The following FOXK1 variants were observed in gnomAD, a reference collection of about 807,000 sequenced individuals.
FOXK1 encodes the protein forkhead box K1.
A neutral mutation model predicts 51.9 loss-of-function variants in FOXK1; 19 were observed. The observed-to-expected ratio is 0.37, with a 90% CI of 0.26 to 0.54. FOXK1 has a LOEUF of 0.54. Among genes scored for constraint, FOXK1 ranks in the 20% least tolerant of loss-of-function variants. The pLI is 0.87. For synonymous variants in FOXK1, 537 were observed against 482.6 expected, an observed-to-expected ratio of 1.11 and a Z score of -1.48; for missense variants, 870 against 1,032.7, an observed-to-expected ratio of 0.84 and a Z score of 2.16.
Position 4,759,365 on chromosome 7 carries a change from G to C in FOXK1, c.1466G>C (p.Ser489Thr), listed in dbSNP as rs1401117725. Residue 489 changes from serine (S) to threonine (T), a missense_variant, in exon 7 of 9, where the codon AGC (serine) becomes ACC (threonine). Around this residue, in one of 3 missense-constraint regions of FOXK1, gnomAD observed 457 missense variants for 510.8 expected, o/e 0.89. Transcript: ENST00000328914. ...ATGGCCGTGCCTCCCCGACCGTCCAGCCTCGTGGCCAAGCCCGTGGCCTAC... is the reference window on the plus strand; with the variant it reads ...ATGGCCGTGCCTCCCCGACCGTCCACCCTCGTGGCCAAGCCCGTGGCCTAC... The part of the protein sequence containing the change: ...VIMAVPPRPS[S>T]LVAKPVAYMP... The C allele has an allele frequency of 6.2e-7, 1 of 1,602,460 alleles. No individual in the cohort carries two copies. The highest frequency in any genetic ancestry group is 1.1e-5 in the South Asian group (1 of 90,874).
intron 1 of FOXK1, among the ~76,000 whole-genome samples, chr7:4,713,296 G>A (rs1159871519): frequency 6.6e-6 from 1 of 152,156 alleles, no homozygotes; most frequent in Non-Finnish European, 1.5e-5. Context: ...GCTAGGCTCT[G>A]GGGTTGGGGC....
intron 1 of FOXK1, among the ~76,000 whole-genome samples, chr7:4,694,476 C>T (rs1380545407): frequency 6.6e-6 from 1 of 152,126 alleles, no homozygotes; most frequent in East Asian, 1.9e-4. Flanking sequence ...AAAAGCTTTG[C>T]TTCTTGTGAT....
rs1261547642 is a variant in FOXK1, at chr7:4,703,387, C to T, written c.560+20519C>T. The stretch of plus-strand genomic sequence containing the variant: ...GCTCTCAGGGGATGGGAGGACAACT[C>T]GCTGAAGTTCGTGGCCCCAAGACAT... On this transcript the variant is annotated intron_variant, in intron 1 of 8. Transcript: ENST00000328914. The surrounding 1 kb of genome is among the most constrained non-coding windows in gnomAD (Gnocchi z 5.6). Among the ~76,000 whole-genome samples, 3 of 152,102 alleles carry T rather than the reference C, an allele frequency of 2.0e-5. No individual in the cohort carries two copies. Among genetic ancestry groups the T allele is most frequent in the Admixed American group, 6.6e-5 (1 of 15,264 alleles).
At position 4,705,983 on chromosome 7, in the gene FOXK1, C is replaced by CATATATAT. The variant is rs1491584360; in HGVS notation, c.560+23115_560+23116insATATATAT. On this transcript the variant is annotated intron_variant, in intron 1 of 8. Coordinates refer to ENST00000328914, the MANE Select transcript of FOXK1 (RefSeq NM_001037165.2). ...ATGTATATATATATACGTATATATACGTATATATACGTATATATACGTATA... is the reference window on the plus strand; with the variant it reads ...ATGTATATATATATACGTATATATACATATATATGTATATATACGTATATATACGTATA... Among the ~76,000 whole-genome samples the CATATATAT allele has an allele frequency of 4.0e-3, 364 of 91,704 alleles. 23 individuals carry two copies. The highest frequency in any genetic ancestry group is 0.024 in the African/African-American group (319 of 13,358). 60.2% of individuals were successfully genotyped at this position (91,704 alleles called of 152,430 possible).
chr7:4,752,801 C>T (rs796098429), intron 2 of FOXK1, among the ~76,000 whole-genome samples: 5 of 152,314 alleles, frequency 3.3e-5, no homozygotes, highest in African/African-American at 1.2e-4. Context: ...CCATTGTCTG[C>T]AGCCCCTCCG....
chr7:4,694,252 G>C (rs1461913337), intron 1 of FOXK1, among the ~76,000 whole-genome samples: 1 of 151,404 alleles, frequency 6.6e-6, no homozygotes, highest in East Asian at 1.9e-4. Context: ...GTTTTTTTTT[G>C]TTTTATTTTA....
In FOXK1 at chr7:4,733,876, C is replaced by T. The variant is rs1333538820; in HGVS notation, c.561-6962C>T. ...GTCCGGCTGACATCCTCTCTCTGGC[C>T]GTCATAGCCAGCGCCATGGGATTGG... On this transcript the variant is annotated intron_variant, in intron 1 of 8. Coordinates refer to ENST00000328914, the MANE Select transcript of FOXK1 (RefSeq NM_001037165.2). This position sits in a 1 kb window ranked among gnomAD's most constrained non-coding sequence, Gnocchi z 5.0. 1.3e-5 allele frequency among the ~76,000 whole-genome samples: 2 copies of T among 152,160 alleles called. No individual in the cohort carries two copies. The highest frequency in any genetic ancestry group is 2.4e-5 in the African/African-American group (1 of 41,418).
Position 4,715,415 on chromosome 7 carries a change from G to T in FOXK1, c.561-25423G>T, listed in dbSNP as rs531586841. Among the ~76,000 whole-genome samples, 6 of 152,076 alleles carry T rather than the reference G, an allele frequency of 3.9e-5. No individual in the cohort carries two copies. The highest frequency in any genetic ancestry group is 8.8e-5 in the Non-Finnish European group (6 of 68,012). On this transcript the variant is annotated intron_variant, in intron 1 of 8. Transcript: ENST00000328914. This position sits in a 1 kb window ranked among gnomAD's most constrained non-coding sequence, Gnocchi z 4.5. ...ATGGGATCGCACGGTGGTCCAGATC[G>T]TCTGTGCACCCATCCTTGCCCTGCC...
Position 4,759,235 on chromosome 7 carries a change from C to G in FOXK1, c.1411+18C>G, listed in dbSNP as rs374000244. 3 of 1,610,944 alleles carry G rather than the reference C, an allele frequency of 1.9e-6. No homozygotes were observed. In the African/African-American group the frequency reaches 4.0e-5, roughly 22 times the overall value. On this transcript the variant is annotated intron_variant, in intron 6 of 8. Coordinates refer to ENST00000328914, the MANE Select transcript of FOXK1 (RefSeq NM_001037165.2). ...CGCACCCGGTAAGGAGCGGGCGGCC[C>G]TCTTGCGGGGCGGGGCGGGGCGGGA...
chr7:4,758,880 A>G lies in FOXK1; in HGVS notation c.1245-171A>G. 1.5e-6 allele frequency: 1 copy of G among 663,148 alleles called. No homozygotes were observed. The highest frequency in any genetic ancestry group is 2.5e-6 in the Non-Finnish European group (1 of 399,398). 41.1% of individuals were successfully genotyped at this position (663,148 alleles called of 1,614,324 possible). The stretch of plus-strand genomic sequence containing the variant: ...GCAGCCCCCACTCAAATGGAGTTTT[A>G]AAGGCTGGGTTCAGGTTACGGGGGC... On this transcript the variant is annotated intron_variant, in intron 5 of 8. Transcript: ENST00000328914. This position sits in a 1 kb window ranked among gnomAD's most constrained non-coding sequence, Gnocchi z 4.4.
intron 1 of FOXK1, among the ~76,000 whole-genome samples, chr7:4,721,589 C>CTTTTTTTTTT (rs200132324): frequency 2.2e-3 from 250 of 112,584 alleles, no homozygotes; most frequent in African/African-American, 3.8e-3. Flanking sequence ...TCTTTTTTTT[C>CTTTTTTTTTT]TTTTTTTTTT....
In FOXK1 at chr7:4,715,505, C is replaced by G. The variant is rs1442254874; in HGVS notation, c.561-25333C>G. On this transcript the variant is annotated intron_variant, in intron 1 of 8. Coordinates refer to ENST00000328914, the MANE Select transcript of FOXK1 (RefSeq NM_001037165.2). The surrounding 1 kb of genome is among the most constrained non-coding windows in gnomAD (Gnocchi z 4.5). ...TGGCCGGCGGTAGGAGCTGGAATGC[C>G]CGAGCTCTGAGAAGCTCTTCATCTA... Among the ~76,000 whole-genome samples, 1 of 152,200 alleles carries G rather than the reference C, an allele frequency of 6.6e-6. No homozygotes were observed. The highest frequency in any genetic ancestry group is 2.4e-5 in the African/African-American group (1 of 41,456).
chr7:4,756,912 C>G lies in FOXK1; in HGVS notation c.1051-82C>G. 3 of 1,477,436 alleles carry G rather than the reference C, an allele frequency of 2.0e-6. No homozygotes were observed. The South Asian group carries it at 3.7e-5, about 18-fold the overall frequency. The allele number at this position is 1,477,436 out of a possible 1,614,324, so 91.5% of individuals were successfully genotyped here. On this transcript the variant is annotated intron_variant, in intron 4 of 8. Coordinates refer to ENST00000328914, the MANE Select transcript of FOXK1 (RefSeq NM_001037165.2). The surrounding 1 kb of genome is among the most constrained non-coding windows in gnomAD (Gnocchi z 4.1). The stretch of plus-strand genomic sequence containing the variant: ...GGGACGGCCTCCCCTCACCCTGGTC[C>G]CGCATCTGCTGCAGATTTGAGGTGG...
Position 4,767,507 on chromosome 7 carries a change from C to G in FOXK1, c.*5043C>G, listed in dbSNP as rs529638626. The G allele has an allele frequency of 6.6e-6, 1 of 152,236 alleles. No individual in the cohort carries two copies. Among genetic ancestry groups the G allele is most frequent in the Non-Finnish European group, 1.5e-5 (1 of 68,042 alleles). 9.4% of individuals were successfully genotyped at this position (152,236 alleles called of 1,614,324 possible). A position where few individuals can be genotyped will look rare whatever the true frequency, so the allele number is the denominator to read the frequency against. The stretch of plus-strand genomic sequence containing the variant: ...AAAGCAATATTATTTAATGAGAATA[C>G]TTTACATTGCTCACATGTGCTGCTA... On this transcript the variant is annotated 3_prime_UTR_variant, in exon 9 of 9. Transcript: ENST00000328914. This position sits in a 1 kb window ranked among gnomAD's most constrained non-coding sequence, Gnocchi z 6.6.
rs1332294271 is a variant in FOXK1, at chr7:4,731,032, C to A, written c.561-9806C>A. On this transcript the variant is annotated intron_variant, in intron 1 of 8. Transcript: ENST00000328914. This position sits in a 1 kb window ranked among gnomAD's most constrained non-coding sequence, Gnocchi z 5.3. The stretch of plus-strand genomic sequence containing the variant: ...AAATCAAAACCATTTGCTGAACAGT[C>A]TTATTTCTCGGAGGAGTTTAAGCAA... 6.6e-6 allele frequency among the ~76,000 whole-genome samples: 1 copy of A among 152,102 alleles called. No homozygotes were observed. Among genetic ancestry groups the A allele is most frequent in the Non-Finnish European group, 1.5e-5 (1 of 68,016 alleles).
rs566622814 is a variant in FOXK1, at chr7:4,753,892, G to A, written c.747-567G>A. Among the ~76,000 whole-genome samples, 17 of 152,266 alleles carry A rather than the reference G, an allele frequency of 1.1e-4. No individual in the cohort carries two copies. In the East Asian group the frequency reaches 1.9e-3, roughly 17 times the overall value. On this transcript the variant is annotated intron_variant, in intron 2 of 8. Transcript: ENST00000328914. The surrounding 1 kb of genome is among the most constrained non-coding windows in gnomAD (Gnocchi z 4.9). ...GGGATGAGGGCAGGGGCATCTCAGC[G>A]GCTCAGGGCAAAACTGCAGGGGTCA...
chr7:4,700,086 T>TC (rs906350096), intron 1 of FOXK1, among the ~76,000 whole-genome samples: 1 of 152,176 alleles, frequency 6.6e-6, no homozygotes, highest in African/African-American at 2.4e-5. Context: ...CAGGAGGCCT[T>TC]CCCCGGTGCC....
rs1456436473 is a variant in FOXK1, at chr7:4,711,010, G to A, written c.560+28142G>A. On this transcript the variant is annotated intron_variant, in intron 1 of 8. Transcript: ENST00000328914. This position sits in a 1 kb window ranked among gnomAD's most constrained non-coding sequence, Gnocchi z 6.3. ...TGGGAAGCCCCATCACGGTGCCTGA[G>A]CTTCACGGAGTTGCAGAGCAGCCTG... is the stretch of plus-strand genomic sequence containing the variant. Among the ~76,000 whole-genome samples the A allele has an allele frequency of 1.3e-5, 2 of 152,220 alleles. No homozygotes were observed. Among genetic ancestry groups the A allele is most frequent in the Non-Finnish European group, 2.9e-5 (2 of 68,044 alleles).
intron 1 of FOXK1, among the ~76,000 whole-genome samples, chr7:4,692,225 T>C (rs1291791012): frequency 1.3e-5 from 2 of 152,188 alleles, no homozygotes; most frequent in South Asian, 2.1e-4. Flanking sequence ...CTGGAATCCA[T>C]GGCTGCCTCC....
Sources: gnomAD v4.1 joint callset for allele counts (sites outside exome capture counted in the v4.1 genomes callset) on GRCh38, gnomAD v4.1.1 for gene constraint, gnomAD v4.1.1 regional missense constraint, Gnocchi (gnomAD v3.1) non-coding constraint, MANE v1.5 for transcripts, NCBI Gene and HGNC (gene_info 2026-07-23, HGNC 2026-07-21) for gene names.